LRRC73: variants seen among roughly 807,000 people sequenced by gnomAD.
LRRC73 encodes the protein leucine-rich repeat-containing protein 73.
Under a neutral mutation model 26.4 loss-of-function variants are expected in LRRC73, and 16 were observed. The ratio of observed to expected loss-of-function variants is 0.61; its 90% CI spans 0.41 to 0.92. LRRC73 has a LOEUF of 0.92. Among genes scored for constraint, LRRC73 ranks in the 40% least tolerant of loss-of-function variants. The pLI is 0.00. For missense variants in LRRC73, 344 were observed against 416.3 expected, an observed-to-expected ratio of 0.83 and a Z score of 1.51; for synonymous variants, 210 against 179.8, an observed-to-expected ratio of 1.17 and a Z score of -1.34.
chr6:43,508,148 G>T, intron 3 of LRRC73, 150 bp downstream of exon 3: 2 of 1,235,178 alleles, frequency 1.6e-6, no homozygotes, highest in Non-Finnish European at 2.2e-6. Flanking sequence ...TTGGTCACCT[G>T]GTCCGCCACA....
Position 43,508,935 on chromosome 6 carries a change from G to T in LRRC73, c.273-15C>A. The T allele has an allele frequency of 1.9e-6, 3 of 1,581,464 alleles. No individual in the cohort carries two copies. The highest frequency in any genetic ancestry group is 2.6e-6 in the Non-Finnish European group (3 of 1,162,224). On this transcript the variant is annotated splice_polypyrimidine_tract_variant and intron_variant, in intron 1 of 5. Coordinates refer to ENST00000372441, the Ensembl canonical transcript of LRRC73. ...TCCCATGCAGGCTGGAGGAGAGTGA[G>T]AGAGCAGGGTTACTGCAGTCCTCCG...
intron 5 of LRRC73, 27 bp from the exon 6 acceptor site, chr6:43,507,335 A>G: frequency 6.2e-7 from 1 of 1,613,482 alleles, no homozygotes; most frequent in Non-Finnish European, 8.5e-7. Context: ...AAGTGTTCAG[A>G]CCACCATTCC....
intron 3 of LRRC73, 117 bp downstream of exon 3, chr6:43,508,181 G>A: frequency 1.4e-6 from 2 of 1,412,612 alleles, no homozygotes. Context: ...TGACCCCTGG[G>A]GGCTCCCGTT....
exon 6 of LRRC73, chr6:43,507,233 G>C (rs774907950): frequency 6.2e-7 from 1 of 1,613,614 alleles, no homozygotes; most frequent in African/African-American, 1.3e-5. Context: ...AGGCCCAGTG[G>C]AGAGTCACAT....
chr6:43,509,961 G>C, exon 1 of LRRC73: 2 of 432,034 alleles, frequency 4.6e-6, no homozygotes, highest in South Asian at 2.0e-4. Context: ...GCTGCGGCGG[G>C]GGCGGAGAAG....
At chr6:43,507,631 C>T in exon 5 of LRRC73, 1 of 1,614,140 alleles carries the variant, frequency 6.2e-7, no homozygotes, top group Non-Finnish European at 8.5e-7. Flanking sequence ...CAGCCAACAC[C>T]AGGCTCCGCA....
At chr6:43,508,777 G>C in exon 2 of LRRC73, 1 of 1,611,364 alleles carries the variant, frequency 6.2e-7, no homozygotes. Flanking sequence ...GGCCCCATCT[G>C]GGGGCAGGAG....
rs984991478 is a variant in LRRC73, at chr6:43,506,972, G to A, written c.*266C>T. ...CTACAGCCACACGACAGGTTGTGGAGTTCATAAAATCTTTTCCGAGCCAGC... is the reference window on the plus strand; with the variant it reads ...CTACAGCCACACGACAGGTTGTGGAATTCATAAAATCTTTTCCGAGCCAGC... On this transcript the variant is annotated 3_prime_UTR_variant, in exon 6 of 6. Transcript: ENST00000372441. The A allele has an allele frequency of 8.1e-6, 4 of 493,974 alleles. No homozygotes were observed. In the South Asian group the frequency reaches 8.3e-5, roughly 10 times the overall value. 30.6% of individuals were successfully genotyped at this position (493,974 alleles called of 1,614,324 possible). A position where few individuals can be genotyped will look rare whatever the true frequency, so the allele number is the denominator to read the frequency against.
At chr6:43,509,286 C>T (rs1319955721) in intron 1 of LRRC73, among the ~76,000 whole-genome samples, 1 of 152,208 alleles carries the variant, frequency 6.6e-6, no homozygotes, top group Non-Finnish European at 1.5e-5. Flanking sequence ...ACGGCCCCCA[C>T]CTCATGTCAG....
At chr6:43,509,383 G>A in intron 1 of LRRC73, 131 bp downstream of exon 1, 1 of 1,193,360 alleles carries the variant, frequency 8.4e-7, no homozygotes, top group South Asian at 1.6e-5. Flanking sequence ...CATGGGCCGA[G>A]GCACGGTGTA....
chr6:43,508,252 A>C, intron 3 of LRRC73, 46 bp downstream of exon 3: 1 of 1,562,716 alleles, frequency 6.4e-7, no homozygotes. Flanking sequence ...GCTCTTGGAT[A>C]GGGCATGAGG....
At chr6:43,507,384 T>C in intron 5 of LRRC73, 72 bp downstream of exon 5, 1 of 1,608,690 alleles carries the variant, frequency 6.2e-7, no homozygotes, top group South Asian at 1.1e-5. Context: ...AGAGCCTAGG[T>C]TCTGCACACC....
At chr6:43,509,006 G>T in intron 1 of LRRC73, 86 bp from the exon 2 acceptor site, 1 of 1,365,258 alleles carries the variant, frequency 7.3e-7, no homozygotes, top group Non-Finnish European at 9.7e-7. Flanking sequence ...GTCAGCCCTA[G>T]GTATGGGGAG....
intron 4 of LRRC73, 49 bp from the exon 5 acceptor site, chr6:43,507,727 C>T (rs1792537700): frequency 6.3e-7 from 1 of 1,593,108 alleles, no homozygotes; most frequent in Non-Finnish European, 8.6e-7. Flanking sequence ...TAAGGCAGGT[C>T]CTCAGACCTC....
intron 1 of LRRC73, 133 bp downstream of exon 1, chr6:43,509,381 G>A (rs1792598133): frequency 8.5e-7 from 1 of 1,179,840 alleles, no homozygotes; most frequent in Non-Finnish European, 1.2e-6. Flanking sequence ...GGCATGGGCC[G>A]AGGCACGGTG....
At chr6:43,508,178 T>C (rs1336699578) in intron 3 of LRRC73, 120 bp downstream of exon 3, 7 of 1,406,894 alleles carry the variant, frequency 5.0e-6, no homozygotes, top group Non-Finnish European at 6.7e-6. Flanking sequence ...CCTTGACCCC[T>C]GGGGGCTCCC....
At chr6:43,508,905 G>A (rs776051354) in exon 2 of LRRC73, 1 of 1,607,116 alleles carries the variant, frequency 6.2e-7, no homozygotes, top group South Asian at 1.1e-5. Context: ...CATCTGTCAG[G>A]GGGCTCCCAT....
chr6:43,507,570 C>G (rs977490987), exon 5 of LRRC73: 4 of 1,613,714 alleles, frequency 2.5e-6, no homozygotes, highest in Non-Finnish European at 3.4e-6. Flanking sequence ...TCCTCTCCCT[C>G]AGAGAGGAGG....
At position 43,507,823 on chromosome 6, in the gene LRRC73, C is replaced by T. The variant is rs1233746423; in HGVS notation, c.657+3G>A. The stretch of plus-strand genomic sequence containing the variant: ...GCCGTGCCCAAACATGACGACTTCC[C>T]ACCTGAGCTGACTGGTTGGTGAGCC... On this transcript the variant is annotated splice_donor_region_variant and intron_variant, in intron 4 of 5. Coordinates refer to ENST00000372441, the Ensembl canonical transcript of LRRC73. The T allele has an allele frequency of 2.5e-6, 4 of 1,613,428 alleles. No individual in the cohort carries two copies. Among genetic ancestry groups the T allele is most frequent in the Non-Finnish European group, 3.4e-6 (4 of 1,179,712 alleles).
Sources: gnomAD v4.1 joint callset for allele counts (sites outside exome capture counted in the v4.1 genomes callset) on GRCh38, gnomAD v4.1.1 for gene constraint, MANE v1.5 for transcripts, NCBI Gene and HGNC (gene_info 2026-07-23, HGNC 2026-07-21) for gene names.